The following AHI1 variants were observed in gnomAD, a reference collection of about 807,000 sequenced individuals.
AHI1 encodes jouberin.
Under a neutral mutation model 149.3 loss-of-function variants are expected in AHI1, and 123 were observed. That is an observed-to-expected ratio of 0.82 (90% confidence interval 0.71 to 0.96). AHI1 has a LOEUF of 0.96. Ranked by LOEUF, AHI1 falls within the 40% of genes least tolerant of loss-of-function variation. The pLI, the probability that AHI1 is intolerant of heterozygous loss-of-function variation, is 0.00. For synonymous variants in AHI1, 475 were observed against 459.8 expected (o/e 1.03, Z -0.42); for missense variants, 1,439 against 1,422.7 (o/e 1.01, Z -0.18).
At chr6:135,494,971 C>G (rs1330630990) in intron 3 of AHI1, among the ~76,000 whole-genome samples, 1 of 152,086 alleles carries the variant, frequency 6.6e-6, no homozygotes, top group South Asian at 2.1e-4. Context: ...TATAGAGGGG[C>G]AGAAACTTAG....
At chr6:135,444,443 G>C (rs2128050494) in intron 13 of AHI1, among the ~76,000 whole-genome samples, 1 of 152,174 alleles carries the variant, frequency 6.6e-6, no homozygotes, top group Middle Eastern at 3.4e-3. Context: ...CTAAGCTTTT[G>C]AGTGCCTAAT....
intron 21 of AHI1, among the ~76,000 whole-genome samples, chr6:135,410,819 G>A (rs1781476045): frequency 6.6e-6 from 1 of 152,160 alleles, no homozygotes; most frequent in Non-Finnish European, 1.5e-5. Context: ...AGCATTTTAA[G>A]ATACGCTTTG....
In AHI1 at chr6:135,344,300, C is replaced by A. The variant is rs538356329; in HGVS notation, c.3165+13832G>T. On this transcript the variant is annotated intron_variant, in intron 24 of 28. Coordinates refer to ENST00000265602, the MANE Select transcript of AHI1 (RefSeq NM_001134831.2). ...AATGTATCTAGTAAGAGACGTGTAT[C>A]CAGACTATACAAATAACTCTTACAA... 5.3e-5 allele frequency among the ~76,000 whole-genome samples: 8 copies of A among 151,152 alleles called. No homozygotes were observed. In the South Asian group the frequency reaches 1.7e-3, roughly 32 times the overall value.
chr6:135,384,730 T>C (rs1777325193), intron 23 of AHI1, among the ~76,000 whole-genome samples: 1 of 152,208 alleles, frequency 6.6e-6, no homozygotes, highest in African/African-American at 2.4e-5. Flanking sequence ...GGGAGTCAGA[T>C]AATGAAGTGG....
intron 3 of AHI1, chr6:135,492,859 G>C: frequency 2.0e-6 from 2 of 985,104 alleles, no homozygotes; most frequent in Non-Finnish European, 2.4e-6. Flanking sequence ...GTTCAACTCA[G>C]TATGTATATT....
intron 24 of AHI1, among the ~76,000 whole-genome samples, chr6:135,336,308 T>C (rs989470672): frequency 6.6e-6 from 1 of 151,866 alleles, no homozygotes; most frequent in African/African-American, 2.4e-5. Context: ...AAATTTAGTG[T>C]AGCCTGGGCT....
chr6:135,385,423 C>T (rs899034831), intron 23 of AHI1, among the ~76,000 whole-genome samples: 1 of 152,074 alleles, frequency 6.6e-6, no homozygotes, highest in Non-Finnish European at 1.5e-5. Context: ...ATCCCAGAAA[C>T]CATGTATTTA....
chr6:135,477,660 A>T (rs1562266281), intron 5 of AHI1, among the ~76,000 whole-genome samples: 3 of 145,822 alleles, frequency 2.1e-5, no homozygotes, highest in Non-Finnish European at 1.5e-5. Flanking sequence ...CCTCCTTCGC[A>T]CTCTCTCTCT....
intron 23 of AHI1, among the ~76,000 whole-genome samples, chr6:135,361,203 A>G (rs1223754489): frequency 1.3e-5 from 2 of 152,222 alleles, no homozygotes; most frequent in East Asian, 3.8e-4. Flanking sequence ...AATATAAGCA[A>G]CTTAAAACAG....
intron 13 of AHI1, 25 bp from the exon 14 acceptor site, chr6:135,442,739 A>G (rs1248913563): frequency 1.3e-6 from 2 of 1,574,432 alleles, no homozygotes; most frequent in South Asian, 2.4e-5. Flanking sequence ...TTTAAAAAAT[A>G]TAAATTAGCA....
chr6:135,335,066 T>A (rs17064432), intron 24 of AHI1, among the ~76,000 whole-genome samples: 2,004 of 152,330 alleles, frequency 0.013, 43 homozygotes, highest in African/African-American at 0.045. Flanking sequence ...GTAAGAAAGA[T>A]AATTTAAAAT....
intron 24 of AHI1, among the ~76,000 whole-genome samples, chr6:135,348,561 A>T (rs1791599213): frequency 6.6e-6 from 1 of 151,484 alleles, no homozygotes; most frequent in Non-Finnish European, 1.5e-5. Context: ...ACTTAAAAAT[A>T]AAAACTTAAA....
In AHI1 at chr6:135,407,966, C is replaced by T. The variant is rs1275940478; in HGVS notation, c.2962-2989G>A. On this transcript the variant is annotated intron_variant, in intron 21 of 28. Transcript: ENST00000265602. ...AGGAGAATGGCGTGAACCCAGGAGGCAGAGCTTGCAGTGAGCTGAGATCGT... is the reference window on the plus strand; with the variant it reads ...AGGAGAATGGCGTGAACCCAGGAGGTAGAGCTTGCAGTGAGCTGAGATCGT... 9.9e-4 allele frequency among the ~76,000 whole-genome samples: 150 copies of T among 151,474 alleles called. 1 individual carries two copies. The highest frequency in any genetic ancestry group is 5.7e-4 in the Non-Finnish European group (39 of 67,928).
rs181887457 is a variant in AHI1 at position 135,367,789 on chromosome 6, C to G, written c.3110-9602G>C. Among the ~76,000 whole-genome samples the G allele has an allele frequency of 6.2e-3, 941 of 152,110 alleles. 9 individuals carry two copies. Among genetic ancestry groups the G allele is most frequent in the South Asian group, 0.035 (170 of 4,818 alleles). On this transcript the variant is annotated intron_variant, in intron 23 of 28. Transcript: ENST00000265602. ...TAAAAAATTTCTTTAAGTTGGTATT[C>G]ACCTTTCTCTGGTGCCTCCTTGAGT...
At chr6:135,329,232 T>C (rs781033906) in intron 24 of AHI1, among the ~76,000 whole-genome samples, 2 of 152,162 alleles carry the variant, frequency 1.3e-5, no homozygotes, top group African/African-American at 2.4e-5. Flanking sequence ...CAGACTTATA[T>C]TGGAAGAAGA....
At position 135,339,020 on chromosome 6, in the gene AHI1, C is replaced by T. The variant is rs181396167; in HGVS notation, c.3166-15696G>A. On this transcript the variant is annotated intron_variant, in intron 24 of 28. Coordinates refer to ENST00000265602, the MANE Select transcript of AHI1 (RefSeq NM_001134831.2). ...TCGGCTCACTGCAACCTCTGCCTAC[C>T]GGGTTCAAGTGATCCTCCTGCCTCA... Among the ~76,000 whole-genome samples the T allele has an allele frequency of 2.4e-3, 371 of 151,914 alleles. 4 individuals carry two copies. The highest frequency in any genetic ancestry group is 8.3e-3 in the African/African-American group (343 of 41,416).
intron 24 of AHI1, among the ~76,000 whole-genome samples, chr6:135,346,941 T>C (rs1791321051): frequency 6.6e-6 from 1 of 152,208 alleles, no homozygotes; most frequent in Non-Finnish European, 1.5e-5. Context: ...GATTACTCTG[T>C]TACTTACACA....
intron 23 of AHI1, among the ~76,000 whole-genome samples, chr6:135,365,208 T>C (rs560326848): frequency 7.9e-5 from 12 of 152,350 alleles, no homozygotes; most frequent in Admixed American, 3.3e-4. Flanking sequence ...TCGATGACTA[T>C]AGCTTTATAA....
At chr6:135,458,605 TC>T (rs1310755966) in intron 8 of AHI1, among the ~76,000 whole-genome samples, 1 of 152,172 alleles carries the variant, frequency 6.6e-6, no homozygotes, top group Non-Finnish European at 1.5e-5. Flanking sequence ...ATCTACCAAT[TC>T]TGGTCACAGT....
Sources: gnomAD v4.1 joint callset for allele counts (sites outside exome capture counted in the v4.1 genomes callset) on GRCh38, gnomAD v4.1.1 for gene constraint, MANE v1.5 for transcripts, NCBI Gene and HGNC (gene_info 2026-07-23, HGNC 2026-07-21) for gene names.